The following ANKS1A variants were observed in gnomAD, a reference collection of about 807,000 sequenced individuals.
The protein encoded by ANKS1A is ankyrin repeat and SAM domain-containing protein 1A.
In ANKS1A, 55 loss-of-function variants were observed where a neutral mutation model predicts 120.3. The observed-to-expected ratio is 0.46, with a 90% CI of 0.37 to 0.57. The LOEUF is 0.57. ANKS1A is among the 20% of genes least tolerant of loss of function. The pLI, the probability that ANKS1A is intolerant of heterozygous loss-of-function variation, is 0.00. For synonymous variants in ANKS1A, 590 were observed against 604.7 expected, an observed-to-expected ratio of 0.98 and a Z score of 0.36; for missense variants, 1,123 against 1,480.3, an observed-to-expected ratio of 0.76 and a Z score of 3.96.
At chr6:35,073,161 C>T (rs187717458) in intron 13 of ANKS1A, among the ~76,000 whole-genome samples, 8 of 152,334 alleles carry the variant, frequency 5.3e-5, no homozygotes, top group Admixed American at 6.5e-5. Flanking sequence ...ATCACTGGCC[C>T]GCATCTTCAC....
At chr6:34,948,917 G>A (rs897006165) in intron 1 of ANKS1A, among the ~76,000 whole-genome samples, 2 of 152,162 alleles carry the variant, frequency 1.3e-5, no homozygotes, top group African/African-American at 2.4e-5. Context: ...GATTCATCCC[G>A]GGCATGGTGT....
chr6:34,986,000 A>C (rs1278122720), intron 8 of ANKS1A, among the ~76,000 whole-genome samples: 1 of 152,230 alleles, frequency 6.6e-6, no homozygotes, highest in Non-Finnish European at 1.5e-5. Flanking sequence ...TGCAGGCAAT[A>C]CACCTAACCT....
At chr6:34,985,040 G>C (rs1365019456) in intron 7 of ANKS1A, 42 bp from the exon 8 acceptor site, 32 of 1,574,382 alleles carry the variant, frequency 2.0e-5, no homozygotes, top group Non-Finnish European at 2.5e-5. Context: ...CTGAGATTCT[G>C]CTCCCCTTCA....
At chr6:34,953,314 C>G (rs532800368) in intron 1 of ANKS1A, among the ~76,000 whole-genome samples, 1 of 152,230 alleles carries the variant, frequency 6.6e-6, no homozygotes, top group Non-Finnish European at 1.5e-5. Flanking sequence ...TCTTGAAGAG[C>G]CTGACCCGGC....
chr6:35,012,108 A>G (rs983961305), intron 10 of ANKS1A, among the ~76,000 whole-genome samples: 2 of 152,212 alleles, frequency 1.3e-5, no homozygotes, highest in African/African-American at 4.8e-5. Flanking sequence ...TAGGGACTAT[A>G]GAGAGGTCCT....
At chr6:34,925,730 T>C (rs1768684384) in intron 1 of ANKS1A, among the ~76,000 whole-genome samples, 2 of 152,120 alleles carry the variant, frequency 1.3e-5, no homozygotes, top group Admixed American at 1.3e-4. Context: ...CTTTCTTTAG[T>C]TATTTTGGAG....
chr6:35,074,569 T>TA (rs991099404), intron 13 of ANKS1A, among the ~76,000 whole-genome samples: 14 of 151,436 alleles, frequency 9.2e-5, no homozygotes, highest in South Asian at 2.1e-4. Context: ...ACTCCACTTT[T>TA]AAAAAAAAAG....
chr6:34,922,728 T>G (rs1357967023), intron 1 of ANKS1A, among the ~76,000 whole-genome samples: 1 of 142,618 alleles, frequency 7.0e-6, no homozygotes, highest in Non-Finnish European at 1.5e-5. Flanking sequence ...GGAGTCTCAC[T>G]CTGTAGCCAG....
At chr6:35,039,143 C>T (rs1272610172) in intron 11 of ANKS1A, among the ~76,000 whole-genome samples, 2 of 150,218 alleles carry the variant, frequency 1.3e-5, no homozygotes, top group African/African-American at 2.5e-5. Flanking sequence ...TGATCACCAC[C>T]ACAATCAACA....
In ANKS1A at chr6:35,078,759, G is replaced by T. The variant is rs184181900; in HGVS notation, c.2283+103G>T. ...GGGGAGGAGCAGGGCTCCAGCACAC[G>T]CACATCATAGCAGGACCTCTACCCC... is the stretch of plus-strand genomic sequence containing the variant. On this transcript the variant is annotated intron_variant, in intron 14 of 23. Coordinates refer to ENST00000360359, the MANE Select transcript of ANKS1A (RefSeq NM_015245.3). 5.5e-6 allele frequency: 6 copies of T among 1,082,686 alleles called. No homozygotes were observed. The South Asian group carries it at 6.8e-5, about 12-fold the overall frequency. 67.1% of individuals were successfully genotyped at this position (1,082,686 alleles called of 1,614,324 possible). A position where few individuals can be genotyped will look rare whatever the true frequency, so the allele number is the denominator to read the frequency against.
At chr6:35,024,203 A>G (rs1375775918) in intron 11 of ANKS1A, among the ~76,000 whole-genome samples, 1 of 152,174 alleles carries the variant, frequency 6.6e-6, no homozygotes, top group African/African-American at 2.4e-5. Context: ...GTATGTCTTT[A>G]TCCTCTGTCT....
Position 34,981,973 on chromosome 6 carries a change from A to G in ANKS1A, c.719A>G (p.Asp240Gly), listed in dbSNP as rs769500681. Residue 240 changes from aspartate to glycine, a missense_variant, in exon 4 of 24, where the codon GAC becomes GGC. Asp to Gly is a moderately conservative substitution (Grantham distance 94). Coordinates refer to ENST00000360359, the MANE Select transcript of ANKS1A (RefSeq NM_015245.3). ...CAGGTCCTCCTCGATGCTGGCATGG[A>G]CAGCAACTACCAGGTAGCAGGGCGG... ...VVQVLLDAGM[D>G]SNYQTEMGSA... is the part of the protein sequence containing the mutation. 9 of 1,614,070 alleles carry G rather than the reference A, an allele frequency of 5.6e-6. No homozygotes were observed. The highest frequency in any genetic ancestry group is 4.2e-6 in the Non-Finnish European group (5 of 1,179,930).
chr6:34,964,722 G>A (rs1770811162), intron 1 of ANKS1A, among the ~76,000 whole-genome samples: 2 of 152,178 alleles, frequency 1.3e-5, no homozygotes, highest in East Asian at 1.9e-4. Context: ...GTGCACATGT[G>A]CAAGTATTTC....
At chr6:34,894,497 C>T (rs776131137) in intron 1 of ANKS1A, among the ~76,000 whole-genome samples, 14 of 152,004 alleles carry the variant, frequency 9.2e-5, no homozygotes, top group Non-Finnish European at 1.3e-4. Context: ...ACGAAAAATA[C>T]AAACATTAGC....
rs141909744 is a variant in ANKS1A at position 35,044,943 on chromosome 6, C to A, written c.2011-9156C>A. ...TTTTACGAGGACTACAGATGTTTCC[C>A]AGTGTAAGTAAGGCTGGCATCTGGT... On this transcript the variant is annotated intron_variant, in intron 11 of 23. Transcript: ENST00000360359. The surrounding 1 kb of genome is among the most constrained non-coding windows in gnomAD (Gnocchi z 4.4). Among the ~76,000 whole-genome samples, 344 of 152,246 alleles carry A rather than the reference C, an allele frequency of 2.3e-3. 2 individuals are homozygous for A. The highest frequency in any genetic ancestry group is 3.9e-3 in the Non-Finnish European group (268 of 68,014).
intron 1 of ANKS1A, among the ~76,000 whole-genome samples, chr6:34,911,045 A>G (rs1173142038): frequency 2.6e-5 from 4 of 152,136 alleles, no homozygotes; most frequent in Non-Finnish European, 5.9e-5. Context: ...GAACAGCTCC[A>G]TTACTTATTT....
chr6:35,086,961 C>A lies in ANKS1A; in HGVS notation c.3313C>A (p.Pro1105Thr), dbSNP rs200759331. Residue 1105 changes from proline to threonine, a missense_variant, in exon 23 of 24, where the codon CCT becomes ACT. Around this residue, in one of 3 missense-constraint regions of ANKS1A, gnomAD observed 904 missense variants for 1,130.4 expected, o/e 0.80. Coordinates refer to ENST00000360359, the MANE Select transcript of ANKS1A (RefSeq NM_015245.3). The surrounding 1 kb of genome is among the most constrained non-coding windows in gnomAD (Gnocchi z 5.1). ...VGVRKSALEP[P>T]DMDQDAQSHA... Reference sequence around the variant, plus strand: ...CTTCCTTGTTTGGCAGCTGGAACCACCTGATATGGACCAAGATGCCCAATC... The same window carrying A: ...CTTCCTTGTTTGGCAGCTGGAACCAACTGATATGGACCAAGATGCCCAATC... 63 of 1,614,050 alleles carry A rather than the reference C, an allele frequency of 3.9e-5. 1 individual carries two copies. Among genetic ancestry groups the A allele is most frequent in the Non-Finnish European group, 5.1e-5 (60 of 1,180,010 alleles).
intron 11 of ANKS1A, among the ~76,000 whole-genome samples, chr6:35,042,331 TC>T (rs1265938086): frequency 6.6e-6 from 1 of 152,002 alleles, no homozygotes; most frequent in Non-Finnish European, 1.5e-5. Flanking sequence ...CCACCATGTC[TC>T]CCCCCTCTCA....
chr6:34,897,534 A>G (rs912811726), intron 1 of ANKS1A, among the ~76,000 whole-genome samples: 2 of 152,198 alleles, frequency 1.3e-5, no homozygotes, highest in Non-Finnish European at 2.9e-5. Context: ...TCCTGTGGGT[A>G]GGAACTTGGT....
Sources: gnomAD v4.1 joint callset for allele counts (sites outside exome capture counted in the v4.1 genomes callset) on GRCh38, gnomAD v4.1.1 for gene constraint, gnomAD v4.1.1 regional missense constraint, Gnocchi (gnomAD v3.1) non-coding constraint, MANE v1.5 for transcripts, NCBI Gene and HGNC (gene_info 2026-07-23, HGNC 2026-07-21) for gene names.